Variants in COL6A5 observed in about 807,000 individuals in gnomAD.
COL6A5 encodes collagen alpha-5(VI) chain.
Under a neutral mutation model 65.6 loss-of-function variants are expected in COL6A5, and 48 were observed. The ratio of observed to expected loss-of-function variants is 0.73; its 90% CI spans 0.58 to 0.93. The LOEUF (loss-of-function observed/expected upper bound fraction) is 0.93, where lower values mean the gene tolerates loss of function less well. Ranked by LOEUF, COL6A5 falls within the 40% of genes least tolerant of loss-of-function variation. The pLI, the probability that COL6A5 is intolerant of heterozygous loss-of-function variation, is 0.00. For synonymous variants in COL6A5, 291 were observed against 322.8 expected (o/e 0.90, Z 1.05); for missense variants, 914 against 928.3 (o/e 0.98, Z 0.20).
rs569403084 is a variant in COL6A5, at chr3:130,472,384, G to A, written c.2328+1417G>A. The stretch of plus-strand genomic sequence containing the variant: ...CTCAGTGGGACCTGGAGAGGACAAG[G>A]CCACCATGGTTCTGAGATCTGTGTG... On this transcript the variant is annotated intron_variant, in intron 7 of 7. Transcript: ENST00000512836. 3.3e-5 allele frequency among the ~76,000 whole-genome samples: 5 copies of A among 152,086 alleles called. No homozygotes were observed. In the East Asian group the frequency reaches 9.7e-4, roughly 30 times the overall value.
intron 1 of COL6A5, among the ~76,000 whole-genome samples, chr3:130,370,264 C>T (rs1032261224): frequency 6.6e-6 from 1 of 152,116 alleles, no homozygotes; most frequent in Admixed American, 6.5e-5. Flanking sequence ...GCATGGGAAA[C>T]TTTGAATTTT....
At chr3:130,407,600 C>T (rs1459372176) in intron 17 of COL6A5, among the ~76,000 whole-genome samples, 1 of 152,162 alleles carries the variant, frequency 6.6e-6, no homozygotes, top group Non-Finnish European at 1.5e-5. Context: ...GTGAGGCTAG[C>T]AGGGCACCTA....
chr3:130,395,068 T>G, exon 8 of COL6A5: 2 of 1,551,690 alleles, frequency 1.3e-6, no homozygotes, highest in South Asian at 2.4e-5. Context: ...AGAGTATTAT[T>G]GAGTTGAAAA....
At chr3:130,423,150 T>C (rs1426926269) in intron 28 of COL6A5, among the ~76,000 whole-genome samples, 1 of 152,072 alleles carries the variant, frequency 6.6e-6, no homozygotes, top group Non-Finnish European at 1.5e-5. Context: ...AGTGGGAAGA[T>C]GTCCTTCCCA....
chr3:130,393,394 C>T (rs1329934050), intron 7 of COL6A5, among the ~76,000 whole-genome samples: 2 of 152,184 alleles, frequency 1.3e-5, no homozygotes, highest in African/African-American at 4.8e-5. Context: ...CCAACTCTCA[C>T]TCCTTCTATT....
chr3:130,383,763 A>C (rs1936087421), intron 4 of COL6A5, among the ~76,000 whole-genome samples: 1 of 152,114 alleles, frequency 6.6e-6, no homozygotes, highest in African/African-American at 2.4e-5. Flanking sequence ...GTTTCTGTGA[A>C]TATCTACATA....
intron 5 of COL6A5, among the ~76,000 whole-genome samples, chr3:130,456,890 C>T (rs767624520): frequency 2.6e-5 from 4 of 151,904 alleles, no homozygotes; most frequent in African/African-American, 7.2e-5. Context: ...AATACTCGAA[C>T]CTTATCTTTA....
chr3:130,397,724 G>T, exon 9 of COL6A5: 1 of 1,551,630 alleles, frequency 6.4e-7, no homozygotes, highest in Non-Finnish European at 8.7e-7. Context: ...GTGAGCTGTG[G>T]GGCTGGCACA....
intron 1 of COL6A5, among the ~76,000 whole-genome samples, chr3:130,439,048 G>A (rs899879472): frequency 1.3e-4 from 20 of 152,216 alleles, no homozygotes; most frequent in Admixed American, 1.0e-3. Context: ...AGAGTGGACT[G>A]GAAATAGTTG....
intron 23 of COL6A5, among the ~76,000 whole-genome samples, chr3:130,416,000 A>T (rs1384123032): frequency 6.6e-6 from 1 of 152,106 alleles, no homozygotes; most frequent in Non-Finnish European, 1.5e-5. Context: ...CCAAAAACTG[A>T]TACATTATTC....
At position 130,435,530 on chromosome 3, in the gene COL6A5, C is replaced by A. The variant is rs752332016; in HGVS notation, c.487+3581C>A. Among the ~76,000 whole-genome samples the A allele has an allele frequency of 8.5e-4, 130 of 152,108 alleles. 1 individual carries two copies. Among genetic ancestry groups the A allele is most frequent in the Non-Finnish European group, 1.2e-3 (81 of 68,024 alleles). On this transcript the variant is annotated intron_variant, in intron 1 of 7. Coordinates refer to ENST00000512836, the Ensembl canonical transcript of COL6A5. ...CATTGAATCTATAAATAACTTTGGG[C>A]AGTATGACCATTTTCATAATATTGA...
chr3:130,420,064 T>C (rs1465176400), intron 25 of COL6A5, among the ~76,000 whole-genome samples: 1 of 152,016 alleles, frequency 6.6e-6, no homozygotes, highest in Non-Finnish European at 1.5e-5. Context: ...TAAATGGTTG[T>C]AGAATGGTCC....
chr3:130,348,498 C>T (rs1001196855), intron 1 of COL6A5, among the ~76,000 whole-genome samples: 14 of 152,082 alleles, frequency 9.2e-5, no homozygotes, highest in African/African-American at 3.1e-4. Flanking sequence ...GTATATGTGC[C>T]ACATTTTCTT....
intron 8 of COL6A5, among the ~76,000 whole-genome samples, chr3:130,397,227 CCACATGCATGCGCA>C (rs1282411688): frequency 6.6e-6 from 1 of 152,078 alleles, no homozygotes; most frequent in Non-Finnish European, 1.5e-5. Context: ...AAATGCACGC[CCACATGCATGCGCA>C]CACACATACG....
At chr3:130,456,923 A>T (rs1276928985) in intron 5 of COL6A5, among the ~76,000 whole-genome samples, 1 of 152,126 alleles carries the variant, frequency 6.6e-6, no homozygotes. Flanking sequence ...TTACCTTTGT[A>T]GAAGCTACAA....
chr3:130,409,421 T>A, intron 18 of COL6A5, 33 bp downstream of exon 18: 1 of 1,509,818 alleles, frequency 6.6e-7, no homozygotes, highest in Non-Finnish European at 9.0e-7. Context: ...GCTCTGAATT[T>A]TATACTTGCT....
At chr3:130,448,656 G>A (rs1709359045) in intron 4 of COL6A5, among the ~76,000 whole-genome samples, 1 of 152,094 alleles carries the variant, frequency 6.6e-6, no homozygotes, top group South Asian at 2.1e-4. Context: ...AGTGGGGGCA[G>A]CAATTAAAAT....
chr3:130,473,406 A>G (rs1323728420), intron 7 of COL6A5, among the ~76,000 whole-genome samples: 1 of 152,054 alleles, frequency 6.6e-6, no homozygotes, highest in African/African-American at 2.4e-5. Context: ...GAACTAGGAA[A>G]AGAGGCCCCA....
intron 1 of COL6A5, among the ~76,000 whole-genome samples, chr3:130,353,303 C>T (rs768872277): frequency 6.6e-6 from 1 of 152,186 alleles, no homozygotes; most frequent in Non-Finnish European, 1.5e-5. Flanking sequence ...AAAGGCTACA[C>T]AGAAAACCCA....
Sources: allele counts gnomAD v4.1 joint callset (sites outside exome capture counted in the v4.1 genomes callset), GRCh38; gene constraint gnomAD v4.1.1; transcripts MANE v1.5; gene names NCBI Gene and HGNC (gene_info 2026-07-23, HGNC 2026-07-21).